The following SH3PXD2B variants were observed in gnomAD, a reference collection of about 807,000 sequenced individuals.
The protein encoded by SH3PXD2B is SH3 and PX domain-containing protein 2B.
SH3PXD2B carries 37 observed loss-of-function variants against 73.1 expected under a neutral mutation model. The observed-to-expected ratio is 0.51, with a 90% CI of 0.39 to 0.67. SH3PXD2B has a LOEUF of 0.67. SH3PXD2B is among the 30% of genes least tolerant of loss of function. The probability of loss-of-function intolerance (pLI) is 0.00; values close to 1 mark genes in which losing one functional copy is unlikely to be tolerated. For missense variants in SH3PXD2B, 1,053 were observed against 1,197.8 expected (o/e 0.88, Z 1.78); for synonymous variants, 457 against 480.5 (o/e 0.95, Z 0.64).
intron 4 of SH3PXD2B, among the ~76,000 whole-genome samples, chr5:172,382,952 G>T (rs1017628573): frequency 9.9e-5 from 15 of 151,332 alleles, no homozygotes; most frequent in African/African-American, 3.7e-4. Context: ...TGGCCAGGCT[G>T]GTCTCGAACT....
Position 172,362,876 on chromosome 5 carries a change from A to G in SH3PXD2B, c.428-7T>C. ...ACTGAGGTTTGGTCACCCCCTGTGGATAGGAAACAGACATGACATCTGGCC... is the reference window on the plus strand; with the variant it reads ...ACTGAGGTTTGGTCACCCCCTGTGGGTAGGAAACAGACATGACATCTGGCC... On this transcript the variant is annotated splice_region_variant and splice_polypyrimidine_tract_variant and intron_variant, in intron 6 of 12. Transcript: ENST00000311601. The G allele has an allele frequency of 6.2e-7, 1 of 1,614,044 alleles. No individual in the cohort carries two copies. The highest frequency in any genetic ancestry group is 1.1e-5 in the South Asian group (1 of 91,074).
intron 12 of SH3PXD2B, among the ~76,000 whole-genome samples, chr5:172,328,278 G>T (rs1324697586): frequency 6.6e-6 from 1 of 151,544 alleles, no homozygotes. Context: ...GCTAATTTTT[G>T]CATTTTTAGT....
intron 12 of SH3PXD2B, among the ~76,000 whole-genome samples, chr5:172,344,385 C>T (rs1338508599): frequency 2.6e-5 from 4 of 152,096 alleles, no homozygotes; most frequent in East Asian, 3.9e-4. Flanking sequence ...GTCAGGAGTT[C>T]GAGACCAGCC....
intron 3 of SH3PXD2B, among the ~76,000 whole-genome samples, chr5:172,398,591 T>A (rs1024641561): frequency 1.3e-5 from 2 of 152,220 alleles, no homozygotes; most frequent in South Asian, 4.1e-4. Flanking sequence ...CAGGATAAAC[T>A]TCAACAGACC....
chr5:172,404,903 T>C (rs1349350757), intron 3 of SH3PXD2B, among the ~76,000 whole-genome samples: 1 of 152,246 alleles, frequency 6.6e-6, no homozygotes, highest in Non-Finnish European at 1.5e-5. Context: ...GAATTCCAGT[T>C]CTGCCATCTG....
In SH3PXD2B at chr5:172,337,062, A is replaced by T. The variant is rs989256212; in HGVS notation, c.*1307T>A. The T allele has an allele frequency of 9.1e-6, 9 of 984,236 alleles. No homozygotes were observed. Among genetic ancestry groups the T allele is most frequent in the Non-Finnish European group, 1.1e-5 (9 of 829,840 alleles). 61.0% of individuals were successfully genotyped at this position (984,236 alleles called of 1,614,324 possible). A position where few individuals can be genotyped will look rare whatever the true frequency, so the allele number is the denominator to read the frequency against. On this transcript the variant is annotated 3_prime_UTR_variant, in exon 13 of 13. Coordinates refer to ENST00000311601, the MANE Select transcript of SH3PXD2B (RefSeq NM_001017995.3). ...AGGCCACCTCAGCTCCCGTTGCTCC[A>T]TAAGCTCTATTCCCCAGGGGGCAAC...
rs118013255 is a variant in SH3PXD2B at position 172,382,581 on chromosome 5, A to T, written c.310-454T>A. Reference sequence around the variant, plus strand: ...AACACACACACACACACACACACACAATGTATGATATACACGCATATATTA... The same window carrying T: ...AACACACACACACACACACACACACTATGTATGATATACACGCATATATTA... On this transcript the variant is annotated intron_variant, in intron 4 of 12. Coordinates refer to ENST00000311601, the MANE Select transcript of SH3PXD2B (RefSeq NM_001017995.3). Among the ~76,000 whole-genome samples the T allele has an allele frequency of 1.1e-4, 16 of 151,848 alleles. No homozygotes were observed. In the East Asian group the frequency reaches 2.9e-3, roughly 28 times the overall value.
intron 1 of SH3PXD2B, among the ~76,000 whole-genome samples, chr5:172,441,292 C>T (rs150654185): frequency 1.3e-4 from 20 of 152,246 alleles, no homozygotes; most frequent in African/African-American, 4.3e-4. Context: ...GTGACAAAGC[C>T]AGGGTTTGTA....
Position 172,334,641 on chromosome 5 carries a change from G to A in SH3PXD2B, c.*3728C>T, listed in dbSNP as rs574621326. 45 of 985,516 alleles carry A rather than the reference G, an allele frequency of 4.6e-5. No homozygotes were observed. The African/African-American group carries it at 5.9e-4, about 13-fold the overall frequency. 61.0% of individuals were successfully genotyped at this position (985,516 alleles called of 1,614,324 possible). A position where few individuals can be genotyped will look rare whatever the true frequency, so the allele number is the denominator to read the frequency against. ...TAAGACTTGGGCACGATGAAAGGAC[G>A]GGGGTCCAGCTACGAATGTTTTTGT... On this transcript the variant is annotated 3_prime_UTR_variant, in exon 13 of 13. Transcript: ENST00000311601.
At position 172,338,558 on chromosome 5, in the gene SH3PXD2B, G is replaced by A. The variant is rs754502506; in HGVS notation, c.2547C>T (p.Gly849=). 3.7e-6 allele frequency: 6 copies of A among 1,614,182 alleles called. No homozygotes were observed. In the Admixed American group the frequency reaches 1.0e-4, roughly 27 times the overall value. ...CGGCCACATACAAAGAGTCCTTCAG[G>A]CCGTCGGCATTGGGGACAGAGGCTG... The part of the protein sequence containing the change: ...AAAASVPNAD[G]LKDSLYVAVA... Residue 849 remains glycine (G), a synonymous_variant, in exon 13 of 13, where the codon GGC becomes GGT. Coordinates refer to ENST00000311601, the MANE Select transcript of SH3PXD2B (RefSeq NM_001017995.3). This position sits in a 1 kb window ranked among gnomAD's most constrained non-coding sequence, Gnocchi z 5.1.
At chr5:172,397,614 C>T (rs776264276) in intron 3 of SH3PXD2B, among the ~76,000 whole-genome samples, 1 of 152,200 alleles carries the variant, frequency 6.6e-6, no homozygotes, top group Non-Finnish European at 1.5e-5. Flanking sequence ...GACTGGCCGA[C>T]ACTTAGGGAA....
In SH3PXD2B at chr5:172,365,287, T is replaced by C. The variant is rs1757489052; in HGVS notation, c.428-2418A>G. Among the ~76,000 whole-genome samples the C allele has an allele frequency of 2.0e-5, 3 of 152,190 alleles. No homozygotes were observed. The South Asian group carries it at 6.2e-4, about 32-fold the overall frequency. The stretch of plus-strand genomic sequence containing the variant: ...AGAAACCATCCCAACACAGCTGCCC[T>C]GCAAGCTGGGTACTGCCACCCCCAT... On this transcript the variant is annotated intron_variant, in intron 6 of 12. Transcript: ENST00000311601.
intron 1 of SH3PXD2B, among the ~76,000 whole-genome samples, chr5:172,453,058 C>A (rs898183248): frequency 1.3e-5 from 2 of 152,052 alleles, no homozygotes; most frequent in Non-Finnish European, 2.9e-5. Context: ...CGGCTATCTC[C>A]TTTCAGAATT....
At chr5:172,359,471 A>G (rs1757352814) in intron 7 of SH3PXD2B, among the ~76,000 whole-genome samples, 1 of 152,034 alleles carries the variant, frequency 6.6e-6, no homozygotes, top group South Asian at 2.1e-4. Flanking sequence ...TGCATTAAAT[A>G]CAATCTTCAC....
Position 172,365,538 on chromosome 5 carries a change from G to A in SH3PXD2B, c.428-2669C>T, listed in dbSNP as rs554134361. On this transcript the variant is annotated intron_variant, in intron 6 of 12. Coordinates refer to ENST00000311601, the MANE Select transcript of SH3PXD2B (RefSeq NM_001017995.3). ...CAGGCTCAGTCTGACATCTCTGGGT[G>A]TCTCAAGGCTTGTCTGCTATTTCCA... Among the ~76,000 whole-genome samples, 6 of 152,336 alleles carry A rather than the reference G, an allele frequency of 3.9e-5. No individual in the cohort carries two copies. The South Asian group carries it at 1.2e-3, about 32-fold the overall frequency.
intron 1 of SH3PXD2B, among the ~76,000 whole-genome samples, chr5:172,426,626 G>C (rs1184218273): frequency 6.6e-6 from 1 of 152,160 alleles, no homozygotes; most frequent in Non-Finnish European, 1.5e-5. Context: ...TCCCTCCCAG[G>C]CCCAGCCAAC....
chr5:172,435,556 G>A (rs2113491875), intron 1 of SH3PXD2B, among the ~76,000 whole-genome samples: 1 of 152,242 alleles, frequency 6.6e-6, no homozygotes. Flanking sequence ...CTGAGTAGGT[G>A]GAATTACAGG....
intron 5 of SH3PXD2B, among the ~76,000 whole-genome samples, chr5:172,379,299 T>C (rs1757889955): frequency 7.6e-6 from 1 of 130,858 alleles, no homozygotes; most frequent in South Asian, 2.6e-4. Context: ...CCAGACCCTG[T>C]CTCTACAAAA....
intron 2 of SH3PXD2B, among the ~76,000 whole-genome samples, chr5:172,416,516 CG>C (rs1481501145): frequency 3.3e-5 from 5 of 151,414 alleles, no homozygotes; most frequent in Admixed American, 2.6e-4. Context: ...TTAGTAGAGA[CG>C]GGGTTTCACT....
Sources: gnomAD v4.1 joint callset for allele counts (sites outside exome capture counted in the v4.1 genomes callset) on GRCh38, gnomAD v4.1.1 for gene constraint, Gnocchi (gnomAD v3.1) non-coding constraint, MANE v1.5 for transcripts, NCBI Gene and HGNC (gene_info 2026-07-23, HGNC 2026-07-21) for gene names.